The following DSCAM variants were observed in gnomAD, a reference collection of about 807,000 sequenced individuals.
The protein encoded by DSCAM is DS cell adhesion molecule, also known as cell adhesion molecule DSCAM.
In DSCAM, 47 loss-of-function variants were observed where a neutral mutation model predicts 217.7. The ratio of observed to expected loss-of-function variants is 0.22; its 90% CI spans 0.17 to 0.28. The LOEUF is 0.28. DSCAM is among the 10% of genes least tolerant of loss of function. DSCAM has a pLI of 1.00. For missense variants in DSCAM, 2,080 were observed against 2,618.3 expected (o/e 0.79, Z 4.49); for synonymous variants, 1,056 against 1,015.3 (o/e 1.04, Z -0.76).
chr21:40,811,198 C>A (rs181574391), intron 1 of DSCAM, among the ~76,000 whole-genome samples: 1 of 152,130 alleles, frequency 6.6e-6, no homozygotes, highest in East Asian at 1.9e-4. Flanking sequence ...CATGCTACAG[C>A]GTGCAGAGTC....
chr21:40,356,938 T>G (rs932402539), intron 4 of DSCAM, among the ~76,000 whole-genome samples: 1 of 152,366 alleles, frequency 6.6e-6, no homozygotes, highest in East Asian at 1.9e-4. Context: ...CTATTTCTTT[T>G]GTGATCATCA....
chr21:40,186,313 G>A (rs147006449), intron 14 of DSCAM, among the ~76,000 whole-genome samples: 12 of 152,240 alleles, frequency 7.9e-5, no homozygotes, highest in African/African-American at 1.7e-4. Context: ...CTGAAATAAC[G>A]TGCGGTATCC....
intron 32 of DSCAM, among the ~76,000 whole-genome samples, chr21:40,020,536 A>T (rs1359235753): frequency 6.6e-6 from 1 of 151,894 alleles, no homozygotes; most frequent in Admixed American, 6.6e-5. Flanking sequence ...TGTGTGAGAG[A>T]GAGAGAGAGA....
Position 40,458,813 on chromosome 21 carries a change from T to C in DSCAM, c.509-89568A>G, listed in dbSNP as rs181404354. 7.8e-4 allele frequency among the ~76,000 whole-genome samples: 119 copies of C among 152,120 alleles called. 1 individual carries two copies. The highest frequency in any genetic ancestry group is 3.4e-3 in the Middle Eastern group (1 of 294). On this transcript the variant is annotated intron_variant, in intron 3 of 32. Transcript: ENST00000400454. The stretch of plus-strand genomic sequence containing the variant: ...TTGCCAATCTTGAAGACATGTTAGG[T>C]CACAAAGAGAAGTTCATTAAATATT...
At chr21:40,346,993 A>G (rs2074564771) in intron 6 of DSCAM, among the ~76,000 whole-genome samples, 1 of 152,144 alleles carries the variant, frequency 6.6e-6, no homozygotes, top group Admixed American at 6.5e-5. Context: ...AAGGGGCCAG[A>G]GATGCTGCCA....
chr21:40,091,127 G>A (rs2089603552), intron 21 of DSCAM, among the ~76,000 whole-genome samples: 1 of 152,122 alleles, frequency 6.6e-6, no homozygotes, highest in Admixed American at 6.5e-5. Context: ...CTAGGTGTGA[G>A]GTAAATGGCA....
intron 3 of DSCAM, among the ~76,000 whole-genome samples, chr21:40,377,885 A>C (rs1415995103): frequency 6.6e-6 from 1 of 152,212 alleles, no homozygotes; most frequent in Non-Finnish European, 1.5e-5. Flanking sequence ...GAGTACATAT[A>C]CAACCTGTAC....
At chr21:40,819,220 A>G (rs2091907460) in intron 1 of DSCAM, among the ~76,000 whole-genome samples, 1 of 152,248 alleles carries the variant, frequency 6.6e-6, no homozygotes, top group African/African-American at 2.4e-5. Context: ...AATGGAGTCC[A>G]AAAGGCAGAC....
chr21:40,351,153 A>G (rs997713842), intron 5 of DSCAM, among the ~76,000 whole-genome samples: 18 of 152,076 alleles, frequency 1.2e-4, no homozygotes, highest in African/African-American at 4.3e-4. Flanking sequence ...TGTAGGTACA[A>G]TTAAGATCCA....
At chr21:40,398,276 A>C (rs2123768916) in intron 3 of DSCAM, among the ~76,000 whole-genome samples, 1 of 152,282 alleles carries the variant, frequency 6.6e-6, no homozygotes, top group Non-Finnish European at 1.5e-5. Context: ...CTGAAGTTCA[A>C]GGTCCCCTTA....
chr21:40,173,381 G>A (rs1295594823), intron 15 of DSCAM, among the ~76,000 whole-genome samples: 6 of 152,144 alleles, frequency 3.9e-5, no homozygotes, highest in Non-Finnish European at 7.4e-5. Flanking sequence ...GAACCTTTCA[G>A]GATAGCAGAC....
chr21:40,290,351 G>A (rs1202175286), intron 10 of DSCAM, among the ~76,000 whole-genome samples: 3 of 152,248 alleles, frequency 2.0e-5, no homozygotes, highest in East Asian at 3.9e-4. Context: ...GGGCAGGTGC[G>A]GTGGCTCACG....
intron 1 of DSCAM, among the ~76,000 whole-genome samples, chr21:40,823,294 A>T (rs1489973147): frequency 7.7e-6 from 1 of 130,540 alleles, no homozygotes; most frequent in Non-Finnish European, 1.6e-5. Flanking sequence ...GATAAACCAT[A>T]AAAAAAAACC....
chr21:40,071,073 C>T (rs183302676), intron 27 of DSCAM, among the ~76,000 whole-genome samples: 4 of 152,262 alleles, frequency 2.6e-5, no homozygotes, highest in South Asian at 2.1e-4. Flanking sequence ...TGCGTAAATG[C>T]GTACCAAAGG....
At chr21:40,575,624 G>A (rs150501470) in intron 3 of DSCAM, among the ~76,000 whole-genome samples, 71 of 152,240 alleles carry the variant, frequency 4.7e-4, no homozygotes, top group African/African-American at 1.7e-3. Flanking sequence ...AACTCCTTAT[G>A]TTAAAATTAA....
chr21:40,734,360 A>G (rs2091042355), intron 1 of DSCAM, among the ~76,000 whole-genome samples: 1 of 152,182 alleles, frequency 6.6e-6, no homozygotes, highest in African/African-American at 2.4e-5. Flanking sequence ...TAAGTCACTC[A>G]TGGGCCAGAG....
intron 1 of DSCAM, among the ~76,000 whole-genome samples, chr21:40,805,216 A>T (rs2091775197): frequency 6.6e-6 from 1 of 152,178 alleles, no homozygotes; most frequent in South Asian, 2.1e-4. Context: ...TAATCTTAAT[A>T]TGAGCCAAGT....
intron 5 of DSCAM, among the ~76,000 whole-genome samples, chr21:40,348,418 T>A (rs1357803124): frequency 8.1e-6 from 1 of 124,092 alleles, no homozygotes; most frequent in Non-Finnish European, 1.8e-5. Flanking sequence ...AGAGTTCCTA[T>A]CAGCCACATT....
At chr21:40,403,856 T>G (rs1172898889) in intron 3 of DSCAM, among the ~76,000 whole-genome samples, 1 of 152,176 alleles carries the variant, frequency 6.6e-6, no homozygotes, top group Non-Finnish European at 1.5e-5. Context: ...CAGTTAAGTT[T>G]TAAGTGTTCA....
Sources: gnomAD v4.1 joint callset for allele counts (sites outside exome capture counted in the v4.1 genomes callset) on GRCh38, gnomAD v4.1.1 for gene constraint, MANE v1.5 for transcripts, NCBI Gene and HGNC (gene_info 2026-07-23, HGNC 2026-07-21) for gene names.